TIE1: variants seen among roughly 807,000 people sequenced by gnomAD.
The protein encoded by TIE1 is tyrosine-protein kinase receptor Tie-1.
In TIE1, 89 loss-of-function variants were observed where a neutral mutation model predicts 130.5. The ratio of observed to expected loss-of-function variants is 0.68; its 90% CI spans 0.57 to 0.81. The LOEUF (loss-of-function observed/expected upper bound fraction) is 0.81, where lower values mean the gene tolerates loss of function less well. TIE1 is among the 40% of genes least tolerant of loss of function. TIE1 has a pLI of 0.00. For missense variants in TIE1, 1,392 were observed against 1,559.8 expected, an observed-to-expected ratio of 0.89 and a Z score of 1.81; for synonymous variants, 568 against 629.4, an observed-to-expected ratio of 0.90 and a Z score of 1.46.
At position 43,307,594 on chromosome 1, in the gene TIE1, G is replaced by T. The variant is rs1646743867; in HGVS notation, c.913+22G>T. ...GAAGGTATGCCTAACCTACCCTCAT[G>T]GTCCCTGACCAAGACAGCTGGCCAG... is the stretch of plus-strand genomic sequence containing the variant. On this transcript the variant is annotated intron_variant, in intron 6 of 22. Transcript: ENST00000372476. The surrounding 1 kb of genome is among the most constrained non-coding windows in gnomAD (Gnocchi z 5.4). 3 of 1,613,754 alleles carry T rather than the reference G, an allele frequency of 1.9e-6. No individual in the cohort carries two copies. Among genetic ancestry groups the T allele is most frequent in the Non-Finnish European group, 2.5e-6 (3 of 1,179,934 alleles).
Position 43,309,130 on chromosome 1 carries a change from T to A in TIE1, c.1187T>A (p.Leu396Gln). Reference sequence around the variant, plus strand: ...CGCAAGCCAGACGGCACTGTGCTCCTGGTCAGCCCCCAATCACCCCAACCC... The same window carrying A: ...CGCAAGCCAGACGGCACTGTGCTCCAGGTCAGCCCCCAATCACCCCAACCC... ...ELRKPDGTVL[L>Q]STKAIVEPEK... is the part of the protein sequence containing the mutation. Residue 396 changes from leucine (L) to glutamine (Q), a missense_variant and splice_region_variant, in exon 8 of 23, where the codon CTG (leucine) becomes CAG (glutamine). Coordinates refer to ENST00000372476, the MANE Select transcript of TIE1 (RefSeq NM_005424.5). The surrounding 1 kb of genome is among the most constrained non-coding windows in gnomAD (Gnocchi z 6.3). 6.3e-7 allele frequency: 1 copy of A among 1,588,488 alleles called. No individual in the cohort carries two copies. The highest frequency in any genetic ancestry group is 8.6e-7 in the Non-Finnish European group (1 of 1,163,970).
Position 43,316,366 on chromosome 1 carries a change from C to A in TIE1, c.2410-833C>A, listed in dbSNP as rs1268831245. ...CTGGGCCCCAGGTCCTCAGCCCTTG[C>A]CCATCAAGCTGGACTTCAGTGCACT... On this transcript the variant is annotated intron_variant, in intron 14 of 22. Transcript: ENST00000372476. The surrounding 1 kb of genome is among the most constrained non-coding windows in gnomAD (Gnocchi z 4.4). Among the ~76,000 whole-genome samples the A allele has an allele frequency of 6.6e-6, 1 of 152,226 alleles. No homozygotes were observed. The highest frequency in any genetic ancestry group is 1.5e-5 in the Non-Finnish European group (1 of 68,040).
chr1:43,314,103 C>T, intron 14 of TIE1, 135 bp downstream of exon 14: 1 of 990,994 alleles, frequency 1.0e-6, no homozygotes, highest in Non-Finnish European at 1.5e-6. Context: ...AGATTACACT[C>T]AACAATGTTC....
At chr1:43,320,620 A>G (rs1557455317) in intron 19 of TIE1, 1 of 152,324 alleles carries the variant, frequency 6.6e-6, no homozygotes, top group East Asian at 1.9e-4. Flanking sequence ...TGGGAGGCCA[A>G]GGCGGGCAGA....
intron 1 of TIE1, among the ~76,000 whole-genome samples, chr1:43,302,725 G>A (rs527726142): frequency 6.6e-6 from 1 of 152,250 alleles, no homozygotes; most frequent in South Asian, 2.1e-4. Context: ...AGCCATGGGA[G>A]GTCACAGGCA....
At position 43,313,133 on chromosome 1, in the gene TIE1, A is replaced by G. The variant is rs202058848; in HGVS notation, c.1928-2A>G. ...CCTTGCCTTCCCCCACCATCTCCCC[A>G]GGGCCTCCAGCCCCCCGACACCTCC... On this transcript the variant is annotated splice_acceptor_variant, in intron 12 of 22. Coordinates refer to ENST00000372476, the MANE Select transcript of TIE1 (RefSeq NM_005424.5). LOFTEE classifies it high-confidence loss of function. This position sits in a 1 kb window ranked among gnomAD's most constrained non-coding sequence, Gnocchi z 6.2. 6.3e-7 allele frequency: 1 copy of G among 1,598,304 alleles called. No individual in the cohort carries two copies. The highest frequency in any genetic ancestry group is 1.3e-5 in the African/African-American group (1 of 74,694).
At position 43,305,355 on chromosome 1, in the gene TIE1, C is replaced by T. The variant is rs1429198873; in HGVS notation, c.484+12C>T. The T allele has an allele frequency of 1.3e-6, 2 of 1,537,002 alleles. No individual in the cohort carries two copies. The highest frequency in any genetic ancestry group is 2.5e-5 in the South Asian group (2 of 78,676). On this transcript the variant is annotated intron_variant, in intron 3 of 22. Transcript: ENST00000372476. ...CTGGAAGAGCAACGGTAAAGAGGGG[C>T]ATTTGAACTGGTGGGGAGGGTAGAC...
Position 43,322,517 on chromosome 1 carries a change from T to C in TIE1, c.3346-134T>C, listed in dbSNP as rs1646929777. ...GCCCTGGGCTGGTAAAGGCCACTCTTGGCCATGGGGCCATCTTAGGTCTCC... is the reference window on the plus strand; with the variant it reads ...GCCCTGGGCTGGTAAAGGCCACTCTCGGCCATGGGGCCATCTTAGGTCTCC... On this transcript the variant is annotated intron_variant, in intron 22 of 22. Coordinates refer to ENST00000372476, the MANE Select transcript of TIE1 (RefSeq NM_005424.5). The surrounding 1 kb of genome is among the most constrained non-coding windows in gnomAD (Gnocchi z 4.0). 4 of 689,286 alleles carry C rather than the reference T, an allele frequency of 5.8e-6. No individual in the cohort carries two copies. The highest frequency in any genetic ancestry group is 1.0e-5 in the Non-Finnish European group (4 of 393,442). 42.7% of individuals were successfully genotyped at this position (689,286 alleles called of 1,614,324 possible). A position where few individuals can be genotyped will look rare whatever the true frequency, so the allele number is the denominator to read the frequency against.
intron 14 of TIE1, chr1:43,314,379 G>A: frequency 1.8e-6 from 2 of 1,131,878 alleles, no homozygotes; most frequent in Non-Finnish European, 2.2e-6. Flanking sequence ...TTTTGTCCTT[G>A]CAGGCCTTCC....
chr1:43,307,551 A>G lies in TIE1; in HGVS notation c.892A>G (p.Arg298Gly), dbSNP rs1570433864. ...PYGCSCGSGW[R>G]GSQCQEACAP... Reference sequence around the variant, plus strand: ...TGGCTGCTCTTGTGGATCTGGCTGGAGAGGAAGCCAGTGCCAAGAAGGTAT... The same window carrying G: ...TGGCTGCTCTTGTGGATCTGGCTGGGGAGGAAGCCAGTGCCAAGAAGGTAT... The change falls in exon 6 of 23, where the codon AGA (arginine) becomes GGA (glycine). Residue 298 changes from arginine to glycine, a missense_variant. Arg to Gly is a moderately radical substitution (Grantham distance 125). Coordinates refer to ENST00000372476, the MANE Select transcript of TIE1 (RefSeq NM_005424.5). The surrounding 1 kb of genome is among the most constrained non-coding windows in gnomAD (Gnocchi z 5.4). 4.3e-6 allele frequency: 7 copies of G among 1,614,072 alleles called. No individual in the cohort carries two copies. The highest frequency in any genetic ancestry group is 5.9e-6 in the Non-Finnish European group (7 of 1,180,012).
rs542601713 is a variant in TIE1 at position 43,313,485 on chromosome 1, C to T, written c.2218+60C>T. 185 of 1,584,618 alleles carry T rather than the reference C, an allele frequency of 1.2e-4. 2 individuals carry two copies. In the African/African-American group the frequency reaches 2.3e-3, roughly 19 times the overall value. ...CTGAGCGGGGAGAGCTCAGCACGCT[C>T]TCCTTCCACATCACCCCCTACTGTG... On this transcript the variant is annotated intron_variant, in intron 13 of 22. Transcript: ENST00000372476. The surrounding 1 kb of genome is among the most constrained non-coding windows in gnomAD (Gnocchi z 6.2).
Position 43,309,650 on chromosome 1 carries a change from C to A in TIE1, c.1333+118C>A. On this transcript the variant is annotated intron_variant, in intron 9 of 22. Transcript: ENST00000372476. The surrounding 1 kb of genome is among the most constrained non-coding windows in gnomAD (Gnocchi z 6.3). ...AAGGACATCTAAGGTCATAGCCTAGCACCAGACAAAAAGCGGGGTTGTGGT... is the reference window on the plus strand; with the variant it reads ...AAGGACATCTAAGGTCATAGCCTAGAACCAGACAAAAAGCGGGGTTGTGGT... The A allele has an allele frequency of 1.5e-6, 2 of 1,350,648 alleles. No individual in the cohort carries two copies. The highest frequency in any genetic ancestry group is 1.9e-6 in the Non-Finnish European group (2 of 1,032,764). The allele number at this position is 1,350,648 out of a possible 1,614,324, so 83.7% of individuals were successfully genotyped here.
In TIE1 at chr1:43,309,126, C is replaced by T. The variant is rs560279391; in HGVS notation, c.1183C>T (p.Leu395Phe). Reference protein sequence around the residue: ...IELRKPDGTVLLSTKAIVEPE... With the variant: ...IELRKPDGTVFLSTKAIVEPE... ...GCTACGCAAGCCAGACGGCACTGTG[C>T]TCCTGGTCAGCCCCCAATCACCCCA... The change falls in exon 8 of 23, where the codon CTC becomes TTC. Residue 395 changes from leucine to phenylalanine, a missense_variant. By Grantham distance (22) the Leu-to-Phe change is conservative. This residue lies in a region of TIE1 where 551 missense variants were observed against 565.5 expected (regional missense o/e 0.97). Transcript: ENST00000372476. This position sits in a 1 kb window ranked among gnomAD's most constrained non-coding sequence, Gnocchi z 6.3. 1.9e-5 allele frequency: 31 copies of T among 1,591,446 alleles called. 1 individual carries two copies. The South Asian group carries it at 3.2e-4, about 16-fold the overall frequency.
chr1:43,305,110 G>C lies in TIE1; in HGVS notation c.318G>C (p.Val106=), dbSNP rs1646713682. 1 of 1,613,362 alleles carries C rather than the reference G, an allele frequency of 6.2e-7. No individual in the cohort carries two copies. The highest frequency in any genetic ancestry group is 1.7e-5 in the Admixed American group (1 of 59,942). The change falls in exon 2 of 23, where the codon GTG becomes GTC. Residue 106 remains valine (V), a synonymous_variant. Transcript: ENST00000372476. ...PSDLVGVFSC[V]GGAGARRTRV... ...ACCTCGTGGGCGTCTTCTCCTGCGT[G>C]GGCGGTGCTGGGGCGCGGCGCACGC...
rs560488627 is a variant in TIE1, at chr1:43,314,249, C to T, written c.2409+281C>T. On this transcript the variant is annotated intron_variant, in intron 14 of 22. Transcript: ENST00000372476. ...ATGACCATATTTCACAATGGACATTCCAGTTTTGGGCTCCGTCAATTGGAG... is the reference window on the plus strand; with the variant it reads ...ATGACCATATTTCACAATGGACATTTCAGTTTTGGGCTCCGTCAATTGGAG... The T allele has an allele frequency of 1.9e-5, 14 of 722,922 alleles. No individual in the cohort carries two copies. The East Asian group carries it at 4.3e-4, about 22-fold the overall frequency. The allele number at this position is 722,922 out of a possible 1,614,324, so 44.8% of individuals were successfully genotyped here.
In TIE1 at chr1:43,306,867, A is replaced by G. The variant is rs1646733155; in HGVS notation, c.512A>G (p.His171Arg). 6.2e-7 allele frequency: 1 copy of G among 1,613,766 alleles called. No individual in the cohort carries two copies. Among genetic ancestry groups the G allele is most frequent in the South Asian group, 1.1e-5 (1 of 91,028 alleles). The change falls in exon 4 of 23, where the codon CAT becomes CGT. Residue 171 changes from histidine to arginine, a missense_variant. This residue lies in a region of TIE1 where 415 missense variants were observed against 424.8 expected (regional missense o/e 0.98). Transcript: ENST00000372476. This position sits in a 1 kb window ranked among gnomAD's most constrained non-coding sequence, Gnocchi z 4.9. ...NGSYFYTLDW[H>R]EAQDGRFLLQ... Reference sequence around the variant, plus strand: ...TCCTACTTCTACACCCTGGACTGGCATGAAGCCCAGGATGGGCGGTTCCTG... The same window carrying G: ...TCCTACTTCTACACCCTGGACTGGCGTGAAGCCCAGGATGGGCGGTTCCTG...
At chr1:43,308,885 G>A (rs1646758688) in intron 7 of TIE1, 101 bp from the exon 8 acceptor site, 4 of 1,519,286 alleles carry the variant, frequency 2.6e-6, no homozygotes, top group Middle Eastern at 1.7e-4. Flanking sequence ...GAGGGACTGG[G>A]TAGATACCTC....
rs1173273313 is a variant in TIE1 at position 43,313,928 on chromosome 1, G to T, written c.2369G>T (p.Cys790Phe). The change falls in exon 14 of 23, where the codon TGC becomes TTC. Residue 790 changes from cysteine (C) to phenylalanine (F), a missense_variant. Cys to Phe is a radical substitution (Grantham distance 205). Coordinates refer to ENST00000372476, the MANE Select transcript of TIE1 (RefSeq NM_005424.5). The surrounding 1 kb of genome is among the most constrained non-coding windows in gnomAD (Gnocchi z 6.2). ...LLTLVCIRRS[C>F]LHRRRTFTYQ... ...ACCCTGGTGTGCATCCGCAGAAGCT[G>T]CCTGCATCGGAGACGCACCTTCACC... 6.2e-7 allele frequency: 1 copy of T among 1,614,140 alleles called. No individual in the cohort carries two copies. Among genetic ancestry groups the T allele is most frequent in the South Asian group, 1.1e-5 (1 of 91,082 alleles).
At position 43,312,663 on chromosome 1, in the gene TIE1, G is replaced by A. The variant is rs1646811747; in HGVS notation, c.1927+62G>A. On this transcript the variant is annotated intron_variant, in intron 12 of 22. Transcript: ENST00000372476. This position sits in a 1 kb window ranked among gnomAD's most constrained non-coding sequence, Gnocchi z 5.6. ...GAGGACGTGGGACACAGGGACACATGAGACCTAGGAGACACGGGAGGCTGT... is the reference window on the plus strand; with the variant it reads ...GAGGACGTGGGACACAGGGACACATAAGACCTAGGAGACACGGGAGGCTGT... The A allele has an allele frequency of 1.3e-6, 2 of 1,515,682 alleles. No individual in the cohort carries two copies. Among genetic ancestry groups the A allele is most frequent in the Non-Finnish European group, 1.8e-6 (2 of 1,126,994 alleles). The allele number at this position is 1,515,682 out of a possible 1,614,324, so 93.9% of individuals were successfully genotyped here.
Sources: gnomAD v4.1 joint callset for allele counts (sites outside exome capture counted in the v4.1 genomes callset) on GRCh38, gnomAD v4.1.1 for gene constraint, gnomAD v4.1.1 regional missense constraint, Gnocchi (gnomAD v3.1) non-coding constraint, MANE v1.5 for transcripts, NCBI Gene and HGNC (gene_info 2026-07-23, HGNC 2026-07-21) for gene names.